VIT: variants seen among roughly 807,000 people sequenced by gnomAD.
VIT encodes the protein vitrin.
In VIT, 99 loss-of-function variants were observed where a neutral mutation model predicts 78.0. That is an observed-to-expected ratio of 1.27 (90% CI 1.08 to 1.50). VIT has a LOEUF of 1.50. Ranked by LOEUF, VIT falls within the 40% of genes most tolerant of loss-of-function variation. VIT has a pLI of 0.00. For missense variants in VIT, 1,126 were observed against 875.3 expected (o/e 1.29, Z -3.61); for synonymous variants, 374 against 334.3 (o/e 1.12, Z -1.29).
At chr2:36,736,483 G>A (rs1667515950) in intron 3 of VIT, among the ~76,000 whole-genome samples, 1 of 152,180 alleles carries the variant, frequency 6.6e-6, no homozygotes, top group Non-Finnish European at 1.5e-5. Flanking sequence ...AAGCTTTTAA[G>A]TTGTAAAATC....
intron 1 of VIT, among the ~76,000 whole-genome samples, chr2:36,712,217 G>A (rs1665844911): frequency 6.6e-6 from 1 of 152,160 alleles, no homozygotes; most frequent in Non-Finnish European, 1.5e-5. Context: ...GACCAAGCAA[G>A]CGTAGAAATT....
In VIT at chr2:36,770,307, G is replaced by C. The variant is rs150659214; in HGVS notation, c.679+3022G>C. Among the ~76,000 whole-genome samples the C allele has an allele frequency of 2.1e-4, 32 of 152,318 alleles. No individual in the cohort carries two copies. In the East Asian group the frequency reaches 6.0e-3, roughly 28 times the overall value. ...CAGGAGCTACCTGTGTTTGGGGTCT[G>C]TGAGTCATTTGTACTCCACAATGGG... On this transcript the variant is annotated intron_variant, in intron 7 of 15. Transcript: ENST00000379242.
At chr2:36,797,237 C>T (rs1381194569) in intron 12 of VIT, among the ~76,000 whole-genome samples, 5 of 152,060 alleles carry the variant, frequency 3.3e-5, no homozygotes, top group African/African-American at 1.2e-4. Flanking sequence ...ATACTGTACA[C>T]AATTAGACGT....
intron 6 of VIT, among the ~76,000 whole-genome samples, chr2:36,762,376 C>T (rs545232660): frequency 2.6e-5 from 4 of 152,188 alleles, no homozygotes; most frequent in South Asian, 4.2e-4. Flanking sequence ...TGGTCAGAGT[C>T]GGAAAAATTA....
intron 3 of VIT, among the ~76,000 whole-genome samples, chr2:36,737,914 C>G (rs1667605388): frequency 6.6e-6 from 1 of 152,216 alleles, no homozygotes; most frequent in African/African-American, 2.4e-5. Flanking sequence ...GATTAACTTT[C>G]TAGCCCTTCT....
chr2:36,773,733 T>A, intron 7 of VIT, 58 bp from the exon 8 acceptor site: 7 of 1,270,508 alleles, frequency 5.5e-6, no homozygotes, highest in Non-Finnish European at 7.4e-6. Flanking sequence ...CAAAAATAAA[T>A]AAATTAATTA....
Position 36,758,465 on chromosome 2 carries a change from C to T in VIT, c.410-504C>T, listed in dbSNP as rs577633196. On this transcript the variant is annotated intron_variant, in intron 5 of 15. Coordinates refer to ENST00000379242, the MANE Select transcript of VIT (RefSeq NM_053276.4). ...TTGCCTGCTAGCTACCGTGTCTCCC[C>T]CTGGGTGAGCAACACATGGTTATTT... Among the ~76,000 whole-genome samples, 6 of 152,316 alleles carry T rather than the reference C, an allele frequency of 3.9e-5. No homozygotes were observed. In the East Asian group the frequency reaches 1.2e-3, roughly 29 times the overall value.
chr2:36,774,455 G>C (rs918013945), intron 8 of VIT: 2 of 965,922 alleles, frequency 2.1e-6, no homozygotes, highest in African/African-American at 3.5e-5. Context: ...CTCACAGCCC[G>C]GTCTATGAGC....
At chr2:36,717,166 C>T (rs911542514) in intron 2 of VIT, among the ~76,000 whole-genome samples, 3 of 149,424 alleles carry the variant, frequency 2.0e-5, no homozygotes, top group Admixed American at 2.0e-4. Context: ...TGAGCCACCA[C>T]GCCCGGCCAG....
chr2:36,715,116 C>T (rs1199883247), intron 1 of VIT, among the ~76,000 whole-genome samples: 2 of 152,146 alleles, frequency 1.3e-5, no homozygotes, highest in African/African-American at 4.8e-5. Context: ...TTCTCTTATT[C>T]CCATGGCTGC....
chr2:36,758,504 A>G (rs1191184524), intron 5 of VIT, among the ~76,000 whole-genome samples: 2 of 152,184 alleles, frequency 1.3e-5, no homozygotes, highest in Non-Finnish European at 2.9e-5. Context: ...AGGTTGACCT[A>G]TATTTACCTA....
chr2:36,725,441 A>C (rs1475078540), intron 2 of VIT, among the ~76,000 whole-genome samples: 1 of 151,990 alleles, frequency 6.6e-6, no homozygotes, highest in East Asian at 1.9e-4. Flanking sequence ...GTGTCCTCAC[A>C]TGACAGAAGA....
chr2:36,781,492 TGGTGCA>T (rs1437171434), intron 9 of VIT, among the ~76,000 whole-genome samples: 1 of 152,216 alleles, frequency 6.6e-6, no homozygotes, highest in Non-Finnish European at 1.5e-5. Context: ...CCAAGATTCT[TGGTGCA>T]TAATGAAAAA....
chr2:36,776,500 T>A (rs891575956), intron 9 of VIT, among the ~76,000 whole-genome samples: 1 of 152,192 alleles, frequency 6.6e-6, no homozygotes, highest in Non-Finnish European at 1.5e-5. Flanking sequence ...ATTGTCACTT[T>A]GAAGTAAATT....
chr2:36,757,433 T>G (rs1668835031), intron 5 of VIT, among the ~76,000 whole-genome samples: 1 of 149,898 alleles, frequency 6.7e-6, no homozygotes, highest in African/African-American at 2.5e-5. Flanking sequence ...GGAACTGAGC[T>G]CATGCTCCTT....
intron 13 of VIT, among the ~76,000 whole-genome samples, chr2:36,802,696 A>G (rs1167994722): frequency 6.6e-6 from 1 of 152,136 alleles, no homozygotes; most frequent in Non-Finnish European, 1.5e-5. Context: ...GTCAGAAGGC[A>G]CTCTCGTTCC....
At chr2:36,768,198 G>A (rs553328593) in intron 7 of VIT, among the ~76,000 whole-genome samples, 39 of 152,258 alleles carry the variant, frequency 2.6e-4, no homozygotes, top group African/African-American at 7.2e-4. Flanking sequence ...TTGGGAGGCC[G>A]AGGCAAGCAG....
At chr2:36,699,689 G>A (rs960424210) in intron 1 of VIT, among the ~76,000 whole-genome samples, 4 of 151,364 alleles carry the variant, frequency 2.6e-5, no homozygotes, top group Non-Finnish European at 4.4e-5. Context: ...TATACATAGT[G>A]TACTGGAGAC....
At chr2:36,768,462 C>A (rs1167763977) in intron 7 of VIT, among the ~76,000 whole-genome samples, 1 of 152,178 alleles carries the variant, frequency 6.6e-6, no homozygotes, top group African/African-American at 2.4e-5. Context: ...TGCAAATCAG[C>A]ACTTTGAATA....
Sources: gnomAD v4.1 joint callset for allele counts (sites outside exome capture counted in the v4.1 genomes callset) on GRCh38, gnomAD v4.1.1 for gene constraint, MANE v1.5 for transcripts, NCBI Gene and HGNC (gene_info 2026-07-23, HGNC 2026-07-21) for gene names.